TCF4: variants seen among roughly 807,000 people sequenced by gnomAD.
TCF4 encodes the protein transcription factor 4.
Under a neutral mutation model 82.1 loss-of-function variants are expected in TCF4, and 3 were observed. That is an observed-to-expected ratio of 0.04 (90% confidence interval 0.02 to 0.09). The LOEUF (loss-of-function observed/expected upper bound fraction) is 0.09, where lower values mean the gene tolerates loss of function less well. TCF4 is among the 10% of genes least tolerant of loss of function. The pLI is 1.00. For synonymous variants in TCF4, 276 were observed against 309.6 expected (o/e 0.89, Z 1.14); for missense variants, 518 against 852.7 (o/e 0.61, Z 4.89).
chr18:55,407,978 C>G (rs2094177625), intron 5 of TCF4, among the ~76,000 whole-genome samples: 2 of 152,028 alleles, frequency 1.3e-5, no homozygotes, highest in African/African-American at 2.4e-5. Flanking sequence ...ATTACTGCCC[C>G]TGGATACACA....
chr18:55,253,084 C>A (rs1446676516), intron 15 of TCF4, among the ~76,000 whole-genome samples: 1 of 152,132 alleles, frequency 6.6e-6, no homozygotes, highest in Non-Finnish European at 1.5e-5. Flanking sequence ...TCAAAAATAT[C>A]TTTCCACATT....
chr18:55,506,287 T>A (rs2096758615), intron 3 of TCF4, among the ~76,000 whole-genome samples: 1 of 152,196 alleles, frequency 6.6e-6, no homozygotes, highest in Non-Finnish European at 1.5e-5. Context: ...AAACTGTACT[T>A]CCTCTCTTTG....
chr18:55,635,312 C>G (rs760840687), intron 1 of TCF4, among the ~76,000 whole-genome samples: 5 of 151,970 alleles, frequency 3.3e-5, no homozygotes, highest in Admixed American at 3.3e-4. Context: ...AATTCGAGGC[C>G]AGCCCAACCA....
intron 12 of TCF4, among the ~76,000 whole-genome samples, chr18:55,260,709 C>T (rs530618453): frequency 6.6e-6 from 1 of 152,188 alleles, no homozygotes; most frequent in African/African-American, 2.4e-5. Flanking sequence ...CAGGCATGTG[C>T]CACCCATGCC....
At chr18:55,386,198 A>C (rs761457659) in intron 6 of TCF4, among the ~76,000 whole-genome samples, 2 of 152,162 alleles carry the variant, frequency 1.3e-5, no homozygotes, top group African/African-American at 2.4e-5. Flanking sequence ...GAATGACTAC[A>C]TTGCCAGAAT....
chr18:55,490,013 T>C (rs978040241), intron 3 of TCF4, among the ~76,000 whole-genome samples: 1 of 152,212 alleles, frequency 6.6e-6, no homozygotes, highest in African/African-American at 2.4e-5. Flanking sequence ...ACTTTTTTAA[T>C]GACACATGAA....
intron 3 of TCF4, among the ~76,000 whole-genome samples, chr18:55,542,298 T>A (rs976049637): frequency 2.0e-5 from 3 of 152,008 alleles, no homozygotes; most frequent in Admixed American, 1.3e-4. Context: ...TACATCCACA[T>A]AGAATCTTAA....
At chr18:55,334,332 G>A (rs1031399706) in intron 8 of TCF4, among the ~76,000 whole-genome samples, 3 of 152,036 alleles carry the variant, frequency 2.0e-5, no homozygotes, top group African/African-American at 7.2e-5. Context: ...TATAAGTCTT[G>A]TATTTATAAT....
At chr18:55,567,111 G>A (rs1398413116) in intron 3 of TCF4, among the ~76,000 whole-genome samples, 2 of 151,964 alleles carry the variant, frequency 1.3e-5, no homozygotes, top group African/African-American at 4.8e-5. Context: ...TTAAAACATA[G>A]CAACATGGAA....
intron 13 of TCF4, among the ~76,000 whole-genome samples, chr18:55,258,633 TATG>T (rs1352152908): frequency 1.3e-5 from 2 of 152,174 alleles, no homozygotes; most frequent in Non-Finnish European, 2.9e-5. Context: ...TCTCAAACAT[TATG>T]ATACCATAGA....
At chr18:55,423,906 C>A (rs1037483658) in intron 5 of TCF4, among the ~76,000 whole-genome samples, 1 of 151,976 alleles carries the variant, frequency 6.6e-6, no homozygotes, top group African/African-American at 2.4e-5. Flanking sequence ...GGTGACTGGG[C>A]GGAAGGGGGG....
chr18:55,606,959 G>A (rs1417255348), intron 2 of TCF4, among the ~76,000 whole-genome samples: 1 of 152,116 alleles, frequency 6.6e-6, no homozygotes, highest in Non-Finnish European at 1.5e-5. Flanking sequence ...TAGAAATGCT[G>A]ATGGGGTCTG....
intron 15 of TCF4, among the ~76,000 whole-genome samples, chr18:55,244,108 C>T (rs2052251312): frequency 6.6e-6 from 1 of 152,170 alleles, no homozygotes; most frequent in South Asian, 2.1e-4. Context: ...CTGCTAATAA[C>T]CTCCAGCTCC....
intron 3 of TCF4, chr18:55,483,051 G>A (rs1425221515): frequency 3.3e-5 from 5 of 152,176 alleles, no homozygotes; most frequent in African/African-American, 1.2e-4. Context: ...ATAAACACAA[G>A]GGATGTGTCT....
Position 55,353,051 on chromosome 18 carries a change from G to A in TCF4, c.370-2048C>T, listed in dbSNP as rs3764484. Among the ~76,000 whole-genome samples the A allele has an allele frequency of 1.5e-3, 234 of 152,086 alleles. 3 individuals are homozygous for A. The East Asian group carries it at 0.018, about 12-fold the overall frequency. ...GAAGTATATTAAATATTCAGAAAACGGCTAAGCAAATATGTTGAAATGCTT... is the reference window on the plus strand; with the variant it reads ...GAAGTATATTAAATATTCAGAAAACAGCTAAGCAAATATGTTGAAATGCTT... On this transcript the variant is annotated intron_variant, in intron 6 of 19. Coordinates refer to ENST00000354452, the MANE Select transcript of TCF4 (RefSeq NM_001083962.2).
chr18:55,488,180 C>A (rs1327595507), intron 3 of TCF4, among the ~76,000 whole-genome samples: 1 of 152,082 alleles, frequency 6.6e-6, no homozygotes, highest in Admixed American at 6.5e-5. Flanking sequence ...ATCCTTACTC[C>A]CTGGGTTTTC....
intron 8 of TCF4, among the ~76,000 whole-genome samples, chr18:55,312,310 C>T (rs2072750500): frequency 6.6e-6 from 1 of 152,128 alleles, no homozygotes; most frequent in Non-Finnish European, 1.5e-5. Context: ...AACTTTAAAA[C>T]AGGTTAAATG....
intron 3 of TCF4, among the ~76,000 whole-genome samples, chr18:55,480,895 G>T (rs2096412670): frequency 6.6e-6 from 1 of 152,152 alleles, no homozygotes; most frequent in African/African-American, 2.4e-5. Flanking sequence ...CTTGAGGCCA[G>T]GAGTTTGAGA....
intron 18 of TCF4, 111 bp from the exon 19 acceptor site, chr18:55,228,472 A>G: frequency 2.1e-6 from 3 of 1,435,900 alleles, no homozygotes; most frequent in Non-Finnish European, 2.9e-6. Flanking sequence ...TATATTACAG[A>G]ACAAAAGGAA....
Sources: gnomAD v4.1 joint callset for allele counts (sites outside exome capture counted in the v4.1 genomes callset) on GRCh38, gnomAD v4.1.1 for gene constraint, MANE v1.5 for transcripts, NCBI Gene and HGNC (gene_info 2026-07-23, HGNC 2026-07-21) for gene names.